BMPER: variants seen among roughly 807,000 people sequenced by gnomAD.
BMPER encodes the protein BMP binding endothelial regulator.
In BMPER, 45 loss-of-function variants were observed where a neutral mutation model predicts 87.3. The observed-to-expected ratio is 0.52, with a 90% CI of 0.41 to 0.66. BMPER has a LOEUF of 0.66. BMPER is among the 30% of genes least tolerant of loss of function. The pLI, the probability that BMPER is intolerant of heterozygous loss-of-function variation, is 0.00. For missense variants in BMPER, 784 were observed against 867.5 expected (o/e 0.90, Z 1.21); for synonymous variants, 326 against 316.2 (o/e 1.03, Z -0.33).
chr7:34,011,583 C>CAAACAAAAAAAAAA (rs1786877078), intron 6 of BMPER, among the ~76,000 whole-genome samples: 1 of 45,764 alleles, frequency 2.2e-5, no homozygotes, highest in Non-Finnish European at 4.7e-5. Context: ...TTGGTCAGGG[C>CAAACAAAAAAAAAA]AAAAAAAAAA....
chr7:34,083,147 A>C (rs1789099068), intron 12 of BMPER, among the ~76,000 whole-genome samples: 1 of 152,204 alleles, frequency 6.6e-6, no homozygotes, highest in African/African-American at 2.4e-5. Context: ...GGGGTAATTC[A>C]TTTATTTACT....
chr7:34,122,299 G>A (rs974803270), intron 13 of BMPER, among the ~76,000 whole-genome samples: 13 of 152,146 alleles, frequency 8.5e-5, no homozygotes, highest in African/African-American at 2.4e-4. Context: ...TGCTGATGCC[G>A]GTATTCCGCA....
intron 2 of BMPER, among the ~76,000 whole-genome samples, chr7:33,925,368 G>C (rs192565346): frequency 1.4e-4 from 22 of 152,292 alleles, no homozygotes; most frequent in East Asian, 9.7e-4. Context: ...TATCATGTTT[G>C]ATGGTGGGAA....
At chr7:33,961,208 T>C (rs2128616305) in intron 3 of BMPER, among the ~76,000 whole-genome samples, 1 of 152,240 alleles carries the variant, frequency 6.6e-6, no homozygotes, top group Admixed American at 6.5e-5. Context: ...AACAGCAGAA[T>C]AGAGGATGAA....
chr7:34,040,508 A>G (rs1787804673), intron 6 of BMPER, among the ~76,000 whole-genome samples: 1 of 152,104 alleles, frequency 6.6e-6, no homozygotes, highest in Admixed American at 6.5e-5. Context: ...AGAATCTTGG[A>G]CATGAAGCTG....
intron 8 of BMPER, 35 bp downstream of exon 8, chr7:34,052,005 G>A: frequency 6.4e-7 from 1 of 1,558,434 alleles, no homozygotes; most frequent in African/African-American, 1.4e-5. Flanking sequence ...GTCCAGCAAT[G>A]ATAGGGTTTG....
chr7:34,081,445 T>C (rs573257539), intron 12 of BMPER, among the ~76,000 whole-genome samples: 76 of 152,354 alleles, frequency 5.0e-4, no homozygotes, highest in African/African-American at 1.8e-3. Flanking sequence ...GTTTATGTGC[T>C]CCGCACTTAC....
At chr7:33,973,723 C>T (rs1344886156) in intron 5 of BMPER, among the ~76,000 whole-genome samples, 5 of 152,216 alleles carry the variant, frequency 3.3e-5, no homozygotes, top group Non-Finnish European at 7.3e-5. Context: ...TTGCCCACTG[C>T]TAGCTTTGCT....
intron 1 of BMPER, among the ~76,000 whole-genome samples, 164 bp from the exon 2 acceptor site, chr7:33,906,654 T>C (rs1562622224): frequency 6.6e-6 from 1 of 152,164 alleles, no homozygotes; most frequent in Non-Finnish European, 1.5e-5. Context: ...AAAATGGAGT[T>C]GGGGGCAGAG....
intron 2 of BMPER, among the ~76,000 whole-genome samples, chr7:33,924,868 C>T (rs1585641504): frequency 6.6e-6 from 1 of 152,060 alleles, no homozygotes; most frequent in African/African-American, 2.4e-5. Context: ...CACCATGTTG[C>T]CCAGGCTGGT....
chr7:33,968,045 G>A (rs1785446557), intron 4 of BMPER, among the ~76,000 whole-genome samples: 1 of 152,140 alleles, frequency 6.6e-6, no homozygotes, highest in Non-Finnish European at 1.5e-5. Context: ...CAATTGCCTA[G>A]CGTCTCTGGT....
intron 3 of BMPER, among the ~76,000 whole-genome samples, 172 bp from the exon 4 acceptor site, chr7:33,966,307 A>G (rs953142360): frequency 3.3e-5 from 5 of 152,220 alleles, no homozygotes; most frequent in African/African-American, 1.2e-4. Context: ...GTGAATGTCA[A>G]GTGGATACTT....
chr7:34,030,359 T>C (rs898811957), intron 6 of BMPER, among the ~76,000 whole-genome samples: 4 of 152,108 alleles, frequency 2.6e-5, no homozygotes, highest in African/African-American at 9.7e-5. Context: ...CCAGAATATG[T>C]TCAAGTGCCA....
At chr7:34,052,576 G>C (rs1788175062) in intron 8 of BMPER, among the ~76,000 whole-genome samples, 1 of 152,196 alleles carries the variant, frequency 6.6e-6, no homozygotes, top group South Asian at 2.1e-4. Flanking sequence ...TGGAAACCAA[G>C]AAGAAATACA....
chr7:34,013,875 C>T (rs1370394969), intron 6 of BMPER, among the ~76,000 whole-genome samples: 1 of 151,962 alleles, frequency 6.6e-6, no homozygotes, highest in African/African-American at 2.4e-5. Context: ...AACTTTTCTC[C>T]TCTTTTTACC....
intron 3 of BMPER, among the ~76,000 whole-genome samples, chr7:33,941,305 C>T (rs1367060289): frequency 6.7e-6 from 1 of 149,908 alleles, no homozygotes; most frequent in East Asian, 1.9e-4. Flanking sequence ...AATGGAGCCT[C>T]GTTTTTTCAG....
chr7:34,109,404 A>G (rs908922193), intron 13 of BMPER, among the ~76,000 whole-genome samples: 1 of 152,208 alleles, frequency 6.6e-6, no homozygotes, highest in Non-Finnish European at 1.5e-5. Flanking sequence ...CATCTTATCC[A>G]AATACAACCT....
At chr7:34,036,883 A>T (rs1787687580) in intron 6 of BMPER, among the ~76,000 whole-genome samples, 1 of 152,150 alleles carries the variant, frequency 6.6e-6, no homozygotes, top group Non-Finnish European at 1.5e-5. Context: ...TCAAAGAAAA[A>T]ACGTAAAAGA....
At chr7:34,013,028 C>T (rs1274957111) in intron 6 of BMPER, among the ~76,000 whole-genome samples, 2 of 151,804 alleles carry the variant, frequency 1.3e-5, no homozygotes, top group African/African-American at 4.8e-5. Context: ...GCCCAGAAAC[C>T]CTGGCTCAAC....
Sources: gnomAD v4.1 joint callset for allele counts (sites outside exome capture counted in the v4.1 genomes callset) on GRCh38, gnomAD v4.1.1 for gene constraint, MANE v1.5 for transcripts, NCBI Gene and HGNC (gene_info 2026-07-23, HGNC 2026-07-21) for gene names.